The following TSPAN15 variants were observed in gnomAD, a reference collection of about 807,000 sequenced individuals.
The protein encoded by TSPAN15 is tetraspanin 15, also known as tetraspanin-15.
Under a neutral mutation model 34.5 loss-of-function variants are expected in TSPAN15, and 20 were observed. The observed-to-expected ratio is 0.58, with a 90% CI of 0.41 to 0.84. TSPAN15 has a LOEUF of 0.84. Among genes scored for constraint, TSPAN15 ranks in the 40% least tolerant of loss-of-function variants. The pLI, the probability that TSPAN15 is intolerant of heterozygous loss-of-function variation, is 0.00. For synonymous variants in TSPAN15, 155 were observed against 153.9 expected, an observed-to-expected ratio of 1.01 and a Z score of -0.05; for missense variants, 313 against 386.1, an observed-to-expected ratio of 0.81 and a Z score of 1.59.
At chr10:69,496,193 C>A (rs1422962528) in intron 4 of TSPAN15, among the ~76,000 whole-genome samples, 1 of 152,000 alleles carries the variant, frequency 6.6e-6, no homozygotes, top group Non-Finnish European at 1.5e-5. Context: ...ATTTCAGTTT[C>A]CCCCAAATAT....
chr10:69,542,285 C>G, the TSPAN15 span, among the ~76,000 whole-genome samples: 1 of 152,196 alleles, frequency 6.6e-6, no homozygotes, highest in South Asian at 2.1e-4. Context: ...GTCCACATCA[C>G]TATCAGCATT....
chr10:69,485,086 C>T, intron 2 of TSPAN15, 55 bp from the exon 3 acceptor site: 1 of 1,542,848 alleles, frequency 6.5e-7, no homozygotes, highest in Non-Finnish European at 9.0e-7. Context: ...CTCCCCTGTA[C>T]CCCACACACG....
At chr10:69,504,216 T>G (rs1589655625) in intron 5 of TSPAN15, among the ~76,000 whole-genome samples, 1 of 147,264 alleles carries the variant, frequency 6.8e-6, no homozygotes, top group East Asian at 2.0e-4. Context: ...GTAAAAGTCA[T>G]GGAACCTGCA....
chr10:69,545,181 C>G, the TSPAN15 span, among the ~76,000 whole-genome samples: 1 of 152,196 alleles, frequency 6.6e-6, no homozygotes, highest in African/African-American at 2.4e-5. Flanking sequence ...CTCACTCCCC[C>G]TTTACCCCCG....
At position 69,494,706 on chromosome 10, in the gene TSPAN15, G is replaced by T. The variant is rs142694329; in HGVS notation, c.358-888G>T. On this transcript the variant is annotated intron_variant, in intron 3 of 7. Transcript: ENST00000373290. ...CTGTTGTCCCAGCGTACGCTGTGGT[G>T]CCACCCCCGGGAATTGTCTGGCTCT... The T allele has an allele frequency of 7.3e-4, 719 of 985,446 alleles. 5 individuals carry two copies. The African/African-American group carries it at 0.012, about 16-fold the overall frequency. The allele number at this position is 985,446 out of a possible 1,614,324, so 61.0% of individuals were successfully genotyped here.
the TSPAN15 span, among the ~76,000 whole-genome samples, chr10:69,520,073 A>C: frequency 1.3e-4 from 20 of 152,334 alleles, no homozygotes; most frequent in African/African-American, 4.1e-4. Context: ...GTGCCATTAA[A>C]TATATTCACC....
At chr10:69,533,225 A>G in the TSPAN15 span, among the ~76,000 whole-genome samples, 2 of 152,232 alleles carry the variant, frequency 1.3e-5, no homozygotes, top group Non-Finnish European at 2.9e-5. Context: ...GCATGTTTAT[A>G]GCAGCACAAT....
the TSPAN15 span, among the ~76,000 whole-genome samples, chr10:69,527,094 T>C: frequency 6.8e-6 from 1 of 147,920 alleles, no homozygotes; most frequent in African/African-American, 2.5e-5. Context: ...AATGAACAAA[T>C]GGATAAATAA....
chr10:69,497,742 G>C (rs150160944), intron 4 of TSPAN15, among the ~76,000 whole-genome samples: 1,066 of 152,256 alleles, frequency 7.0e-3, no homozygotes, highest in Middle Eastern at 0.02. Flanking sequence ...CTTCCTACAG[G>C]AGCAGGGAGG....
At chr10:69,460,045 AT>A (rs2133064456) in intron 1 of TSPAN15, among the ~76,000 whole-genome samples, 3 of 148,936 alleles carry the variant, frequency 2.0e-5, no homozygotes, top group African/African-American at 4.9e-5. Context: ...ATGAGATGAG[AT>A]GAGATGAGAT....
the TSPAN15 span, among the ~76,000 whole-genome samples, chr10:69,539,373 A>T: frequency 7.0e-6 from 1 of 142,090 alleles, no homozygotes; most frequent in Admixed American, 7.2e-5. Flanking sequence ...TAACAAAAAA[A>T]ATAGAAGAAG....
chr10:69,483,739 C>A lies in TSPAN15; in HGVS notation c.145C>A (p.Arg49=), dbSNP rs746223760. The A allele has an allele frequency of 6.8e-6, 11 of 1,614,018 alleles. No individual in the cohort carries two copies. Among genetic ancestry groups the A allele is most frequent in the Non-Finnish European group, 8.5e-6 (10 of 1,180,030 alleles). The part of the protein sequence containing the change: ...LSVGIYAEVE[R]QKYKTLESAF... Reference sequence around the variant, plus strand: ...TGTGGGCATCTATGCAGAGGTTGAGCGGCAGAAATATAAAACCCTTGAAAG... The same window carrying A: ...TGTGGGCATCTATGCAGAGGTTGAGAGGCAGAAATATAAAACCCTTGAAAG... The change falls in exon 2 of 8, where the codon CGG becomes AGG. Residue 49 remains arginine (R), a synonymous_variant. Coordinates refer to ENST00000373290, the MANE Select transcript of TSPAN15 (RefSeq NM_012339.5).
intron 1 of TSPAN15, among the ~76,000 whole-genome samples, chr10:69,480,741 AG>A (rs1469064752): frequency 6.6e-6 from 1 of 151,962 alleles, no homozygotes; most frequent in Non-Finnish European, 1.5e-5. Context: ...TCTGTCACCC[AG>A]GCTAGAGTGC....
chr10:69,459,125 A>AAAAC (rs1564597485), intron 1 of TSPAN15, among the ~76,000 whole-genome samples: 3 of 63,192 alleles, frequency 4.7e-5, no homozygotes, highest in Non-Finnish European at 7.8e-5. Flanking sequence ...AAAAAAAAAA[A>AAAAC]CAACAACAAA....
intron 1 of TSPAN15, among the ~76,000 whole-genome samples, chr10:69,466,463 G>A (rs1841387086): frequency 6.6e-6 from 1 of 152,162 alleles, no homozygotes; most frequent in Admixed American, 6.5e-5. Flanking sequence ...TATGCATGTG[G>A]GAAGTGTGAT....
At chr10:69,468,189 C>G in intron 1 of TSPAN15, among the ~76,000 whole-genome samples, 1 of 151,914 alleles carries the variant, frequency 6.6e-6, no homozygotes, top group Non-Finnish European at 1.5e-5. Flanking sequence ...CCCTGAGTCC[C>G]CACCCTTAAT....
chr10:69,542,933 G>C, the TSPAN15 span, among the ~76,000 whole-genome samples: 2 of 152,242 alleles, frequency 1.3e-5, no homozygotes, highest in Non-Finnish European at 2.9e-5. Context: ...GCCACTGTCA[G>C]CTGTGCAATT....
At chr10:69,531,940 CAA>C in the TSPAN15 span, among the ~76,000 whole-genome samples, 5 of 97,266 alleles carry the variant, frequency 5.1e-5, no homozygotes, top group African/African-American at 1.6e-4. Context: ...CAAAACAAAA[CAA>C]AAAAAAAACA....
the TSPAN15 span, among the ~76,000 whole-genome samples, chr10:69,530,779 ACTCTCTCT>A: frequency 1.5e-3 from 74 of 49,984 alleles, 1 homozygote; most frequent in Admixed American, 2.0e-3. Flanking sequence ...ACAGAGTGAG[ACTCTCTCT>A]CTCTCTCTCT....
Sources: gnomAD v4.1 joint callset for allele counts (sites outside exome capture counted in the v4.1 genomes callset) on GRCh38, gnomAD v4.1.1 for gene constraint, MANE v1.5 for transcripts, NCBI Gene and HGNC (gene_info 2026-07-23, HGNC 2026-07-21) for gene names.